Variants in CNKSR3 observed in about 807,000 individuals in gnomAD.
CNKSR3 encodes CNKSR family member 3.
In CNKSR3, 36 loss-of-function variants were observed where a neutral mutation model predicts 67.7. The ratio of observed to expected loss-of-function variants is 0.53; its 90% CI spans 0.41 to 0.70. The LOEUF (loss-of-function observed/expected upper bound fraction) is 0.70, where lower values mean the gene tolerates loss of function less well. CNKSR3 is among the 30% of genes least tolerant of loss of function. The probability of loss-of-function intolerance (pLI) is 0.00; values close to 1 mark genes in which losing one functional copy is unlikely to be tolerated. For synonymous variants in CNKSR3, 281 were observed against 271.4 expected (o/e 1.04, Z -0.35); for missense variants, 630 against 695.2 (o/e 0.91, Z 1.05).
At chr6:154,434,997 T>C (rs1316299176) in intron 4 of CNKSR3, among the ~76,000 whole-genome samples, 2 of 45,476 alleles carry the variant, frequency 4.4e-5, no homozygotes, top group Non-Finnish European at 1.3e-4. Flanking sequence ...TACAAATTCC[T>C]TTTTTTTTTT....
rs562461173 is a variant in CNKSR3 at position 154,502,948 on chromosome 6, C to T, written c.52+7115G>A. Among the ~76,000 whole-genome samples, 7 of 152,236 alleles carry T rather than the reference C, an allele frequency of 4.6e-5. No individual in the cohort carries two copies. The South Asian group carries it at 6.2e-4, about 14-fold the overall frequency. On this transcript the variant is annotated intron_variant, in intron 1 of 12. Coordinates refer to ENST00000607772, the MANE Select transcript of CNKSR3 (RefSeq NM_173515.4). ...GGGACACAGACGGGAGGGCCCCTCT[C>T]GCTTCCTCACAATAAGGGGAATGCA... is the stretch of plus-strand genomic sequence containing the variant.
intron 1 of CNKSR3, among the ~76,000 whole-genome samples, chr6:154,495,253 A>G (rs1786854024): frequency 6.6e-6 from 1 of 152,194 alleles, no homozygotes; most frequent in Non-Finnish European, 1.5e-5. Context: ...GTTGGTATCA[A>G]GGAAGATGTA....
At chr6:154,432,305 C>T (rs1562329757) in intron 5 of CNKSR3, among the ~76,000 whole-genome samples, 1 of 152,140 alleles carries the variant, frequency 6.6e-6, no homozygotes, top group South Asian at 2.1e-4. Context: ...TGTATGTATT[C>T]TTTGGTGAAG....
intron 9 of CNKSR3, among the ~76,000 whole-genome samples, chr6:154,419,043 T>TC (rs1441255012): frequency 6.7e-6 from 1 of 148,452 alleles, no homozygotes; most frequent in Non-Finnish European, 1.5e-5. Flanking sequence ...TTTTTTTTTT[T>TC]TTTTTTCTTT....
At chr6:154,433,096 T>C (rs1447705838) in intron 5 of CNKSR3, among the ~76,000 whole-genome samples, 2 of 152,174 alleles carry the variant, frequency 1.3e-5, no homozygotes, top group African/African-American at 2.4e-5. Context: ...CCCCCCTCCA[T>C]CATAAGGTTT....
chr6:154,441,168 GA>G (rs1337478111), intron 4 of CNKSR3, 123 bp downstream of exon 4: 9 of 609,090 alleles, frequency 1.5e-5, no homozygotes, highest in South Asian at 2.3e-5. Context: ...AGCTCTGATG[GA>G]AAAAAAACTG....
At chr6:154,416,605 G>C (rs189094431) in intron 9 of CNKSR3, among the ~76,000 whole-genome samples, 10 of 152,248 alleles carry the variant, frequency 6.6e-5, no homozygotes, top group Non-Finnish European at 5.9e-5. Flanking sequence ...CATCAAAACA[G>C]AGTGGTGAAT....
At chr6:154,462,877 A>G (rs1471482095) in intron 1 of CNKSR3, among the ~76,000 whole-genome samples, 2 of 152,224 alleles carry the variant, frequency 1.3e-5, no homozygotes, top group Non-Finnish European at 2.9e-5. Flanking sequence ...GGCCAGGACC[A>G]TGCATGGCCG....
At chr6:154,472,623 G>A (rs1028862030) in intron 1 of CNKSR3, among the ~76,000 whole-genome samples, 6 of 152,060 alleles carry the variant, frequency 3.9e-5, no homozygotes, top group Non-Finnish European at 7.3e-5. Context: ...CAAAAACCAC[G>A]ACTGTTTTGG....
Position 154,422,560 on chromosome 6 carries a change from G to A in CNKSR3, c.891C>T (p.Phe297=). The A allele has an allele frequency of 6.2e-7, 1 of 1,614,108 alleles. No individual in the cohort carries two copies. Among genetic ancestry groups the A allele is most frequent in the Non-Finnish European group, 8.5e-7 (1 of 1,180,016 alleles). The change falls in exon 9 of 13, where the codon TTC becomes TTT. Residue 297 remains phenylalanine (F), a synonymous_variant. Transcript: ENST00000607772. ...TTTTCAGGGGAGCAGGAGTAAAGTTGAAAGACCCGGTGGGGCGCTTCTTAA... is the reference window on the plus strand; with the variant it reads ...TTTTCAGGGGAGCAGGAGTAAAGTTAAAAGACCCGGTGGGGCGCTTCTTAA... ...LLLKKRPTGS[F]NFTPAPLKNL...
chr6:154,486,281 T>TTC (rs892103231), intron 1 of CNKSR3, among the ~76,000 whole-genome samples: 10 of 150,538 alleles, frequency 6.6e-5, no homozygotes, highest in African/African-American at 2.0e-4. Flanking sequence ...GTCTTCTCTT[T>TTC]TCTCTCTCTC....
intron 7 of CNKSR3, among the ~76,000 whole-genome samples, chr6:154,425,584 G>C (rs11961248): frequency 0.021 from 3,152 of 152,214 alleles, 115 homozygotes; most frequent in African/African-American, 0.073. Context: ...GGATCTCAGG[G>C]GTGGAGGACA....
intron 3 of CNKSR3, among the ~76,000 whole-genome samples, chr6:154,441,626 G>A (rs1431338248): frequency 6.6e-6 from 1 of 152,120 alleles, no homozygotes; most frequent in East Asian, 1.9e-4. Flanking sequence ...TGGGATTACA[G>A]GCATGTGCCA....
chr6:154,472,976 G>A (rs566311327), intron 1 of CNKSR3, among the ~76,000 whole-genome samples: 48 of 152,220 alleles, frequency 3.2e-4, no homozygotes, highest in Non-Finnish European at 5.7e-4. Flanking sequence ...TTTATGGAGG[G>A]CCTGCTGGTC....
chr6:154,446,444 TA>T (rs1198402704), intron 2 of CNKSR3, among the ~76,000 whole-genome samples: 2 of 152,204 alleles, frequency 1.3e-5, no homozygotes, highest in African/African-American at 4.8e-5. Context: ...AAGGCATTTT[TA>T]AATAAGCTCA....
intron 7 of CNKSR3, among the ~76,000 whole-genome samples, 197 bp downstream of exon 7, chr6:154,427,931 A>G (rs1376659093): frequency 6.6e-6 from 1 of 152,208 alleles, no homozygotes; most frequent in African/African-American, 2.4e-5. Flanking sequence ...AACAAGAGCA[A>G]TAAAGGACAA....
At chr6:154,429,818 T>C (rs973184602) in intron 6 of CNKSR3, among the ~76,000 whole-genome samples, 1 of 152,142 alleles carries the variant, frequency 6.6e-6, no homozygotes, top group Non-Finnish European at 1.5e-5. Context: ...GTACTTGGCA[T>C]TCACAATCTA....
In CNKSR3 at chr6:154,497,195, G is replaced by A. The variant is rs117705758; in HGVS notation, c.52+12868C>T. ...GGAATTTGAAACCAGCCTGGGAAAC[G>A]GAAACATAATGAGACCTCGTTTCTA... On this transcript the variant is annotated intron_variant, in intron 1 of 12. Transcript: ENST00000607772. Among the ~76,000 whole-genome samples the A allele has an allele frequency of 5.5e-3, 835 of 151,688 alleles. 2 individuals carry two copies. The highest frequency in any genetic ancestry group is 8.3e-3 in the Non-Finnish European group (567 of 67,916).
At chr6:154,439,416 CT>C (rs58151662) in intron 4 of CNKSR3, among the ~76,000 whole-genome samples, 4,028 of 152,318 alleles carry the variant, frequency 0.026, 76 homozygotes, top group Middle Eastern at 0.095. Flanking sequence ...ATGACCCCCC[CT>C]GCCTTCACTT....
Sources: gnomAD v4.1 joint callset for allele counts (sites outside exome capture counted in the v4.1 genomes callset) on GRCh38, gnomAD v4.1.1 for gene constraint, MANE v1.5 for transcripts, NCBI Gene and HGNC (gene_info 2026-07-23, HGNC 2026-07-21) for gene names.